Variants in MAP7 observed in about 807,000 individuals in gnomAD.
MAP7 encodes the protein ensconsin.
Under a neutral mutation model 94.8 loss-of-function variants are expected in MAP7, and 52 were observed. The ratio of observed to expected loss-of-function variants is 0.55; its 90% CI spans 0.44 to 0.69. The LOEUF is 0.69. MAP7 is among the 30% of genes least tolerant of loss of function. The pLI, the probability that MAP7 is intolerant of heterozygous loss-of-function variation, is 0.00. For synonymous variants in MAP7, 350 were observed against 357.0 expected, an observed-to-expected ratio of 0.98 and a Z score of 0.22; for missense variants, 940 against 964.6, an observed-to-expected ratio of 0.97 and a Z score of 0.34.
rs186423517 is a variant in MAP7 at position 136,432,348 on chromosome 6, G to A, written c.68-10549C>T. Among the ~76,000 whole-genome samples the A allele has an allele frequency of 3.9e-3, 598 of 152,210 alleles. 2 individuals are homozygous for A. Among genetic ancestry groups the A allele is most frequent in the Non-Finnish European group, 6.0e-3 (411 of 68,004 alleles). On this transcript the variant is annotated intron_variant, in intron 1 of 17. Transcript: ENST00000354570. ...CTATGTAGCCTAATCTGTTCCAAAAGTCAGAAAGCAAAGCAGGTCCTGGTT... is the reference window on the plus strand; with the variant it reads ...CTATGTAGCCTAATCTGTTCCAAAAATCAGAAAGCAAAGCAGGTCCTGGTT...
At chr6:136,499,227 T>C (rs1819164009) in intron 1 of MAP7, among the ~76,000 whole-genome samples, 1 of 152,082 alleles carries the variant, frequency 6.6e-6, no homozygotes, top group African/African-American at 2.4e-5. Flanking sequence ...GCCTGAGATT[T>C]CTTAGCTCTG....
chr6:136,513,036 G>A (rs1302739857), intron 1 of MAP7, among the ~76,000 whole-genome samples: 1 of 143,386 alleles, frequency 7.0e-6, no homozygotes, highest in Non-Finnish European at 1.5e-5. Flanking sequence ...GTAGAGGCAG[G>A]TTCTCACTCT....
At chr6:136,509,305 T>G (rs1822527716) in intron 1 of MAP7, among the ~76,000 whole-genome samples, 1 of 152,250 alleles carries the variant, frequency 6.6e-6, no homozygotes, top group Non-Finnish European at 1.5e-5. Flanking sequence ...CAGAAGTTCC[T>G]CATTCTTCTC....
intron 1 of MAP7, among the ~76,000 whole-genome samples, chr6:136,549,480 G>A (rs921964242): frequency 2.6e-5 from 4 of 152,114 alleles, no homozygotes; most frequent in African/African-American, 4.8e-5. Context: ...ATGGAGAGAT[G>A]GGCGGGGTTG....
intron 1 of MAP7, among the ~76,000 whole-genome samples, chr6:136,452,433 T>C (rs760088255): frequency 1.3e-5 from 2 of 152,254 alleles, no homozygotes; most frequent in Non-Finnish European, 2.9e-5. Context: ...CAAACAGCAT[T>C]GCATGCTGCA....
At chr6:136,388,650 T>C (rs1779833466) in intron 4 of MAP7, 140 bp from the exon 5 acceptor site, 7 of 665,440 alleles carry the variant, frequency 1.1e-5, no homozygotes, top group African/African-American at 1.8e-5. Context: ...TTCTATACCA[T>C]AAGGTGAGAC....
At position 136,508,711 on chromosome 6, in the gene MAP7, T is replaced by C. The variant is rs1822327343; in HGVS notation, c.67+41631A>G. ...ATGAACCATCAGTCAAAACCCAGGA[T>C]GGTTTTCCTTTTTTTGTTTTAATGT... On this transcript the variant is annotated intron_variant, in intron 1 of 17. Coordinates refer to ENST00000354570, the MANE Select transcript of MAP7 (RefSeq NM_003980.6). Among the ~76,000 whole-genome samples, 3 of 152,218 alleles carry C rather than the reference T, an allele frequency of 2.0e-5. No homozygotes were observed. The South Asian group carries it at 6.2e-4, about 31-fold the overall frequency.
chr6:136,518,768 T>C (rs1394006322), intron 1 of MAP7, among the ~76,000 whole-genome samples: 1 of 152,182 alleles, frequency 6.6e-6, no homozygotes, highest in African/African-American at 2.4e-5. Flanking sequence ...TTAATGGAAA[T>C]GGACATTCAA....
intron 1 of MAP7, among the ~76,000 whole-genome samples, chr6:136,513,102 C>T (rs2129034334): frequency 6.6e-6 from 1 of 152,302 alleles, no homozygotes; most frequent in Non-Finnish European, 1.5e-5. Context: ...GCCTCTGCCT[C>T]TCAAAGCACT....
intron 1 of MAP7, among the ~76,000 whole-genome samples, chr6:136,464,231 TG>T (rs1479104193): frequency 6.6e-6 from 1 of 152,232 alleles, no homozygotes; most frequent in African/African-American, 2.4e-5. Flanking sequence ...TAACATTGCA[TG>T]CTGACTTTCT....
At chr6:136,408,767 A>G (rs1786417160) in intron 3 of MAP7, among the ~76,000 whole-genome samples, 1 of 152,046 alleles carries the variant, frequency 6.6e-6, no homozygotes, top group African/African-American at 2.4e-5. Flanking sequence ...GTCTGCTTTT[A>G]AACTTTTTTT....
intron 1 of MAP7, among the ~76,000 whole-genome samples, chr6:136,460,131 CAT>C (rs766564555): frequency 5.5e-4 from 84 of 152,204 alleles, no homozygotes; most frequent in Non-Finnish European, 8.5e-4. Flanking sequence ...ATTAAAGTAA[CAT>C]GTGTAACTGT....
chr6:136,429,590 T>C (rs1226737973), intron 1 of MAP7, among the ~76,000 whole-genome samples: 1 of 152,158 alleles, frequency 6.6e-6, no homozygotes, highest in African/African-American at 2.4e-5. Context: ...AAAAGGATAT[T>C]TCAGAAAAGC....
At chr6:136,454,632 C>T (rs369923277) in intron 1 of MAP7, among the ~76,000 whole-genome samples, 14 of 151,506 alleles carry the variant, frequency 9.2e-5, no homozygotes, top group African/African-American at 3.4e-4. Flanking sequence ...CAGCCAGGTG[C>T]AGTGGCTCAC....
chr6:136,534,035 G>C (rs1038394935), intron 1 of MAP7, among the ~76,000 whole-genome samples: 4 of 152,146 alleles, frequency 2.6e-5, no homozygotes, highest in African/African-American at 9.7e-5. Flanking sequence ...AATCAGGAAA[G>C]ATTAATTATT....
chr6:136,460,364 T>C (rs1383300014), intron 1 of MAP7, among the ~76,000 whole-genome samples: 3 of 152,208 alleles, frequency 2.0e-5, no homozygotes, highest in Admixed American at 2.0e-4. Context: ...ATGGATGATG[T>C]TTCTTTTTGT....
intron 1 of MAP7, among the ~76,000 whole-genome samples, chr6:136,443,736 C>T (rs1798537416): frequency 6.6e-6 from 1 of 152,084 alleles, no homozygotes; most frequent in Non-Finnish European, 1.5e-5. Context: ...AGGCATGAGC[C>T]ACCACGCCTG....
At chr6:136,358,465 C>T (rs1489907192) in intron 15 of MAP7, among the ~76,000 whole-genome samples, 1 of 152,174 alleles carries the variant, frequency 6.6e-6, no homozygotes, top group Non-Finnish European at 1.5e-5. Flanking sequence ...TAAGACTATT[C>T]TCCAAACATA....
chr6:136,517,391 A>C (rs1825180461), intron 1 of MAP7, among the ~76,000 whole-genome samples: 1 of 152,254 alleles, frequency 6.6e-6, no homozygotes, highest in Non-Finnish European at 1.5e-5. Context: ...TGGCACAGAC[A>C]AGCATGATGG....
Sources: gnomAD v4.1 joint callset for allele counts (sites outside exome capture counted in the v4.1 genomes callset) on GRCh38, gnomAD v4.1.1 for gene constraint, MANE v1.5 for transcripts, NCBI Gene and HGNC (gene_info 2026-07-23, HGNC 2026-07-21) for gene names.